Variants in CNGB3 observed in about 807,000 individuals in gnomAD.
CNGB3 encodes the protein cyclic nucleotide gated channel subunit beta 3, also known as cyclic nucleotide-gated channel beta-3.
Under a neutral mutation model 92.8 loss-of-function variants are expected in CNGB3, and 86 were observed. That is an observed-to-expected ratio of 0.93 (90% CI 0.78 to 1.11). CNGB3 has a LOEUF of 1.11. Among genes scored for constraint, CNGB3 ranks in the 50% least tolerant of loss-of-function variants. The pLI is 0.00. For missense variants in CNGB3, 1,026 were observed against 956.8 expected, an observed-to-expected ratio of 1.07 and a Z score of -0.95; for synonymous variants, 333 against 332.7, an observed-to-expected ratio of 1.00 and a Z score of -0.01.
chr8:86,585,735 G>A (rs1821878052), intron 15 of CNGB3, among the ~76,000 whole-genome samples: 1 of 152,278 alleles, frequency 6.6e-6, no homozygotes, highest in South Asian at 2.1e-4. Context: ...TAGTAAAGGG[G>A]CCATTCTGCA....
At chr8:86,634,138 T>G (rs1823017941) in intron 10 of CNGB3, among the ~76,000 whole-genome samples, 1 of 152,050 alleles carries the variant, frequency 6.6e-6, no homozygotes, top group Non-Finnish European at 1.5e-5. Context: ...ATCCAGAGAG[T>G]CCTTAACATA....
chr8:86,707,521 G>C (rs1209239636), intron 3 of CNGB3: 1 of 152,702 alleles, frequency 6.5e-6, no homozygotes, highest in African/African-American at 2.4e-5. Flanking sequence ...CAGAGTGAGA[G>C]AATGACAGTG....
chr8:86,624,268 A>G (rs1822799720), intron 13 of CNGB3, among the ~76,000 whole-genome samples: 1 of 152,096 alleles, frequency 6.6e-6, no homozygotes, highest in Non-Finnish European at 1.5e-5. Context: ...AAAATACAAA[A>G]ATTAGCTGGG....
intron 10 of CNGB3, among the ~76,000 whole-genome samples, chr8:86,640,065 A>G (rs1823151419): frequency 6.6e-6 from 1 of 152,044 alleles, no homozygotes. Flanking sequence ...TACCCATGAA[A>G]TCAAGCTTGT....
chr8:86,736,077 C>T (rs2092713716), intron 2 of CNGB3, among the ~76,000 whole-genome samples: 1 of 151,900 alleles, frequency 6.6e-6, no homozygotes, highest in African/African-American at 2.4e-5. Flanking sequence ...TATTTGAATC[C>T]AAAATATGTT....
At chr8:86,643,457 G>C (rs1340255290) in intron 10 of CNGB3, among the ~76,000 whole-genome samples, 2 of 151,178 alleles carry the variant, frequency 1.3e-5, no homozygotes, top group Admixed American at 1.3e-4. Flanking sequence ...CCCAGTCTCT[G>C]TTATCTTTCC....
At chr8:86,649,051 A>G (rs943870198) in intron 7 of CNGB3, among the ~76,000 whole-genome samples, 3 of 151,498 alleles carry the variant, frequency 2.0e-5, no homozygotes, top group South Asian at 2.1e-4. Flanking sequence ...CAGGAACTCA[A>G]TCCCTTTACA....
rs184845721 is a variant in CNGB3 at position 86,600,327 on chromosome 8, T to C, written c.1781+3766A>G. ...GGCCCTGGAGGACAGTGATTGTTTCTTGTTCTCCTTTGTACCCTCATGACT... is the reference window on the plus strand; with the variant it reads ...GGCCCTGGAGGACAGTGATTGTTTCCTGTTCTCCTTTGTACCCTCATGACT... On this transcript the variant is annotated intron_variant, in intron 15 of 17. Coordinates refer to ENST00000320005, the MANE Select transcript of CNGB3 (RefSeq NM_019098.5). 1.4e-3 allele frequency among the ~76,000 whole-genome samples: 213 copies of C among 152,328 alleles called. 1 individual carries two copies. Among genetic ancestry groups the C allele is most frequent in the Middle Eastern group, 6.8e-3 (2 of 294 alleles).
intron 6 of CNGB3, chr8:86,657,573 C>T (rs781271181): frequency 6.2e-5 from 27 of 435,024 alleles, no homozygotes; most frequent in East Asian, 1.2e-4. Context: ...ATGCTGTGGG[C>T]GAGGCTCATC....
intron 3 of CNGB3, among the ~76,000 whole-genome samples, chr8:86,709,423 A>G (rs755451244): frequency 6.6e-6 from 1 of 152,166 alleles, no homozygotes; most frequent in Non-Finnish European, 1.5e-5. Context: ...CTGAGCTCAA[A>G]CAGCCCTGTT....
At position 86,575,471 on chromosome 8, in the gene CNGB3, T is replaced by A. The variant is rs1821640199; in HGVS notation, c.*333A>T. The A allele has an allele frequency of 4.6e-6, 1 of 218,140 alleles. No homozygotes were observed. The highest frequency in any genetic ancestry group is 5.5e-5 in the Admixed American group (1 of 18,080). 13.5% of individuals were successfully genotyped at this position (218,140 alleles called of 1,614,324 possible). A position where few individuals can be genotyped will look rare whatever the true frequency, so the allele number is the denominator to read the frequency against. On this transcript the variant is annotated 3_prime_UTR_variant, in exon 18 of 18. Transcript: ENST00000320005. ...AAAATTAAGAGAAAAGGTTAGTGAA[T>A]CACATCACAGCCAAGAGCAAGCTAA...
chr8:86,575,898 G>A lies in CNGB3; in HGVS notation c.2336C>T (p.Thr779Ile), dbSNP rs768453158. 1.2e-6 allele frequency: 2 copies of A among 1,613,366 alleles called. No homozygotes were observed. The highest frequency in any genetic ancestry group is 2.2e-5 in the South Asian group (2 of 90,762). The stretch of plus-strand genomic sequence containing the variant: ...GCTGATAATGAGTGATTGACGAGAA[G>A]TCCCTCTGGGTAAAACTGTCCTTCT... ...SVRRTVLPRG[T>I]SRQSLIISMA... Residue 779 changes from threonine to isoleucine, a missense_variant, in exon 18 of 18, where the codon ACT (threonine) becomes ATT (isoleucine). By Grantham distance (89) the Thr-to-Ile change is moderately conservative. Transcript: ENST00000320005.
chr8:86,624,597 G>C lies in CNGB3; in HGVS notation c.1578+1386C>G, dbSNP rs185373606. On this transcript the variant is annotated intron_variant, in intron 13 of 17. Coordinates refer to ENST00000320005, the MANE Select transcript of CNGB3 (RefSeq NM_019098.5). ...CAGTGTGTTTCCAGCTCAGGGCATC[G>C]TGTCATCCATCCTCCCGTAATATTC... Among the ~76,000 whole-genome samples, 281 of 151,926 alleles carry C rather than the reference G, an allele frequency of 1.8e-3. 2 individuals are homozygous for C. Among genetic ancestry groups the C allele is most frequent in the Non-Finnish European group, 9.6e-4 (65 of 67,980 alleles).
At chr8:86,738,546 A>G (rs1268472789) in intron 2 of CNGB3, among the ~76,000 whole-genome samples, 1 of 152,196 alleles carries the variant, frequency 6.6e-6, no homozygotes, top group African/African-American at 2.4e-5. Context: ...GAGATCGGAA[A>G]GAAAGGAAGT....
At chr8:86,585,088 C>T (rs1038628492) in intron 15 of CNGB3, among the ~76,000 whole-genome samples, 1 of 151,892 alleles carries the variant, frequency 6.6e-6, no homozygotes, top group Non-Finnish European at 1.5e-5. Flanking sequence ...TACTAGTGTG[C>T]CAAAGTTGAG....
chr8:86,659,908 C>A, intron 6 of CNGB3: 1 of 391,338 alleles, frequency 2.6e-6, no homozygotes, highest in Non-Finnish European at 5.1e-6. Flanking sequence ...GATGTAGACT[C>A]AGAGGCAAGA....
intron 3 of CNGB3, among the ~76,000 whole-genome samples, chr8:86,695,049 C>A (rs1824421754): frequency 6.6e-6 from 1 of 152,214 alleles, no homozygotes; most frequent in Non-Finnish European, 1.5e-5. Flanking sequence ...AATCCCGGCA[C>A]CTCGGGAGGC....
chr8:86,598,219 G>A (rs1265004067), intron 15 of CNGB3, among the ~76,000 whole-genome samples: 1 of 152,184 alleles, frequency 6.6e-6, no homozygotes, highest in African/African-American at 2.4e-5. Context: ...TCTGGCTGCA[G>A]AGTGGAGACT....
At chr8:86,639,022 C>T (rs938028949) in intron 10 of CNGB3, among the ~76,000 whole-genome samples, 4 of 151,944 alleles carry the variant, frequency 2.6e-5, no homozygotes, top group Non-Finnish European at 5.9e-5. Context: ...TTTTCATCTA[C>T]CTAAGTCTCA....
Sources: allele counts gnomAD v4.1 joint callset (sites outside exome capture counted in the v4.1 genomes callset), GRCh38; gene constraint gnomAD v4.1.1; transcripts MANE v1.5; gene names NCBI Gene and HGNC (gene_info 2026-07-23, HGNC 2026-07-21).